JUP: variants seen among roughly 807,000 people sequenced by gnomAD.
JUP encodes junction plakoglobin, also known as catenin (cadherin-associated protein), gamma 80kDa.
JUP carries 28 observed loss-of-function variants against 71.1 expected under a neutral mutation model. The observed-to-expected ratio is 0.39, with a 90% confidence interval of 0.29 to 0.54. The LOEUF (loss-of-function observed/expected upper bound fraction) is 0.54, where lower values mean the gene tolerates loss of function less well. Ranked by LOEUF, JUP falls within the 20% of genes least tolerant of loss-of-function variation. The pLI is 0.62. For missense variants in JUP, 869 were observed against 1,030.1 expected (o/e 0.84, Z 2.14); for synonymous variants, 401 against 438.9 (o/e 0.91, Z 1.08).
chr17:41,767,257 C>T, intron 5 of JUP, 122 bp downstream of exon 5: 1 of 756,166 alleles, frequency 1.3e-6, no homozygotes, highest in East Asian at 2.7e-5. Flanking sequence ...CATGATGAAG[C>T]ATGTATATCT....
rs1010034393 is a variant in JUP, at chr17:41,770,751, C to G, written c.208+896G>C. On this transcript the variant is annotated intron_variant, in intron 2 of 13. Coordinates refer to ENST00000393931, the MANE Select transcript of JUP (RefSeq NM_002230.4). ...GGAGGCTTGGGCTGGCGGGGCATCC[C>G]CATCCCGGACTAAGCCCCAGAGCTG... Among the ~76,000 whole-genome samples, 42 of 152,228 alleles carry G rather than the reference C, an allele frequency of 2.8e-4. 1 individual carries two copies. Among genetic ancestry groups the G allele is most frequent in the Non-Finnish European group, 1.6e-4 (11 of 68,032 alleles).
chr17:41,776,699 C>T (rs1047153673), intron 1 of JUP, among the ~76,000 whole-genome samples: 2 of 152,072 alleles, frequency 1.3e-5, no homozygotes, highest in South Asian at 2.1e-4. Context: ...AGAGCGAGAC[C>T]GTGTCTCAAA....
intron 10 of JUP, 120 bp from the exon 11 acceptor site, chr17:41,757,904 C>G (rs1335222113): frequency 3.7e-6 from 3 of 820,160 alleles, no homozygotes; most frequent in Non-Finnish European, 5.7e-6. Flanking sequence ...GAAAATGGGC[C>G]GTCACTGGGG....
intron 1 of JUP, chr17:41,772,929 G>A: frequency 1.0e-6 from 1 of 985,520 alleles, no homozygotes; most frequent in Non-Finnish European, 1.2e-6. Context: ...GTCAGAGGCT[G>A]CGGGGAGAAT....
In JUP at chr17:41,755,762, T is replaced by C. The variant is rs142102308; in HGVS notation, c.2220A>G (p.Ala740=). 1.2e-6 allele frequency: 2 copies of C among 1,601,446 alleles called. No individual in the cohort carries two copies. Among genetic ancestry groups the C allele is most frequent in the Non-Finnish European group, 1.7e-6 (2 of 1,172,432 alleles). The stretch of plus-strand genomic sequence containing the variant: ...AGGCCGCCTAGGCCAGCATGTGGTC[T>C]GCAGTGGGGTACGGGGGCCTGAGGC... ...SDGLRPPYPT[A]DHMLA is the part of the protein sequence containing the mutation. Residue 740 remains alanine, a synonymous_variant, in exon 14 of 14, where the codon GCA becomes GCG. Coordinates refer to ENST00000393931, the MANE Select transcript of JUP (RefSeq NM_002230.4).
chr17:41,781,127 G>A (rs1161216605), intron 1 of JUP, among the ~76,000 whole-genome samples: 1 of 151,330 alleles, frequency 6.6e-6, no homozygotes, highest in African/African-American at 2.4e-5. Context: ...CTTGCAGCGA[G>A]CGGAGATCGT....
chr17:41,771,433 T>G (rs1165449487), intron 2 of JUP: 2 of 605,004 alleles, frequency 3.3e-6, no homozygotes, highest in Middle Eastern at 4.4e-4. Context: ...TCCCTACTGA[T>G]GGTTCACAGA....
At chr17:41,770,931 C>A (rs1916551612) in intron 2 of JUP, among the ~76,000 whole-genome samples, 1 of 152,240 alleles carries the variant, frequency 6.6e-6, no homozygotes, top group African/African-American at 2.4e-5. Context: ...ACGGCCCTGG[C>A]TCTCCCACAA....
rs1916660489 is a variant in JUP, at chr17:41,771,629, G to A, written c.208+18C>T. 1.2e-6 allele frequency: 2 copies of A among 1,610,080 alleles called. No individual in the cohort carries two copies. The highest frequency in any genetic ancestry group is 1.1e-5 in the South Asian group (1 of 90,978). ...GGCAGGTTTTCTGCCCCATGCAATA[G>A]TCCCCAGGGGTCCTGACCTTGGCTG... is the stretch of plus-strand genomic sequence containing the variant. On this transcript the variant is annotated intron_variant, in intron 2 of 13. Transcript: ENST00000393931.
intron 2 of JUP, among the ~76,000 whole-genome samples, chr17:41,770,416 C>T (rs999936408): frequency 2.6e-5 from 4 of 152,174 alleles, no homozygotes; most frequent in East Asian, 1.9e-4. Flanking sequence ...GGGAGAGGGA[C>T]GCAGAGGTTC....
chr17:41,781,532 C>G (rs2047166386), intron 1 of JUP, among the ~76,000 whole-genome samples: 2 of 152,222 alleles, frequency 1.3e-5, no homozygotes, highest in Non-Finnish European at 2.9e-5. Context: ...CCAGACTCAA[C>G]CATGTCCCAG....
intron 4 of JUP, among the ~76,000 whole-genome samples, chr17:41,768,045 C>T (rs1364069906): frequency 6.6e-6 from 1 of 151,774 alleles, no homozygotes; most frequent in Non-Finnish European, 1.5e-5. Flanking sequence ...GGTGGATCAC[C>T]CTGAGGTTAG....
intron 1 of JUP, among the ~76,000 whole-genome samples, chr17:41,776,775 G>C (rs1204381237): frequency 6.6e-6 from 1 of 152,176 alleles, no homozygotes; most frequent in Non-Finnish European, 1.5e-5. Flanking sequence ...GGGAGGCCAA[G>C]GTGGGTGGAT....
chr17:41,779,181 A>C (rs2143845134), intron 1 of JUP, among the ~76,000 whole-genome samples: 1 of 150,980 alleles, frequency 6.6e-6, no homozygotes, highest in East Asian at 2.0e-4. Context: ...GGTTGCAGTG[A>C]GCTGAGATTG....
At position 41,770,893 on chromosome 17, in the gene JUP, G is replaced by T. The variant is rs183207033; in HGVS notation, c.208+754C>A. On this transcript the variant is annotated intron_variant, in intron 2 of 13. Transcript: ENST00000393931. The stretch of plus-strand genomic sequence containing the variant: ...TGACACCTACACCCCTCTACCCAAA[G>T]GGGAATCCCTGGGGGTTCCTGGGGG... 2.6e-4 allele frequency among the ~76,000 whole-genome samples: 40 copies of T among 152,206 alleles called. 1 individual carries two copies. The highest frequency in any genetic ancestry group is 1.3e-4 in the Non-Finnish European group (9 of 68,026).
At chr17:41,762,123 CAGAG>C (rs528611507) in intron 8 of JUP, among the ~76,000 whole-genome samples, 1,503 of 68,894 alleles carry the variant, frequency 0.022, 4 homozygotes, top group African/African-American at 0.039. Flanking sequence ...TGCAGAGAGA[CAGAG>C]AGAGAGAGAG....
At chr17:41,766,473 T>A (rs192897171) in intron 5 of JUP, among the ~76,000 whole-genome samples, 45 of 152,124 alleles carry the variant, frequency 3.0e-4, no homozygotes, top group African/African-American at 1.1e-3. Context: ...GTAATCCTGA[T>A]ACTTTGGGAG....
intron 1 of JUP, among the ~76,000 whole-genome samples, chr17:41,774,425 C>T (rs1555608036): frequency 6.6e-6 from 1 of 152,076 alleles, no homozygotes; most frequent in African/African-American, 2.4e-5. Context: ...CCTCCACCTC[C>T]TGGGTTCCAG....
chr17:41,769,601 G>C lies in JUP; in HGVS notation c.285C>G (p.Gly95=). 6.2e-7 allele frequency: 1 copy of C among 1,605,064 alleles called. No individual in the cohort carries two copies. Among genetic ancestry groups the C allele is most frequent in the Non-Finnish European group, 8.5e-7 (1 of 1,176,726 alleles). ...TGGCCAGCAGAAGCGAGCTGTCCTC[G>C]CCTGACACACCAGGGCACATGGCCT... The part of the protein sequence containing the change: ...VREAMCPGVS[G]EDSSLLLATQ... Residue 95 remains glycine (G), a synonymous_variant, in exon 3 of 14, where the codon GGC becomes GGG. Coordinates refer to ENST00000393931, the MANE Select transcript of JUP (RefSeq NM_002230.4).
Sources: gnomAD v4.1 joint callset for allele counts (sites outside exome capture counted in the v4.1 genomes callset) on GRCh38, gnomAD v4.1.1 for gene constraint, MANE v1.5 for transcripts, NCBI Gene and HGNC (gene_info 2026-07-23, HGNC 2026-07-21) for gene names.